The following CNOT3 variants were observed in gnomAD, a reference collection of about 807,000 sequenced individuals.
The protein encoded by CNOT3 is CCR4-associated factor 3.
Under a neutral mutation model 89.4 loss-of-function variants are expected in CNOT3, and 2 were observed. The ratio of observed to expected loss-of-function variants is 0.02; its 90% CI spans 0.01 to 0.07. The LOEUF (loss-of-function observed/expected upper bound fraction) is 0.07, where lower values mean the gene tolerates loss of function less well. Among genes scored for constraint, CNOT3 ranks in the 10% least tolerant of loss-of-function variants. The pLI, the probability that CNOT3 is intolerant of heterozygous loss-of-function variation, is 1.00. For missense variants in CNOT3, 664 were observed against 1,010.2 expected, an observed-to-expected ratio of 0.66 and a Z score of 4.65; for synonymous variants, 486 against 402.0, an observed-to-expected ratio of 1.21 and a Z score of -2.50.
chr19:54,151,129 G>C (rs1368708899), intron 13 of CNOT3, among the ~76,000 whole-genome samples: 1 of 152,146 alleles, frequency 6.6e-6, no homozygotes, highest in East Asian at 1.9e-4. Context: ...TTTATAGTGC[G>C]TGCATTTTTC....
In CNOT3 at chr19:54,148,392, C is replaced by A. The variant is rs755411891; in HGVS notation, c.1139C>A (p.Pro380His). 1 of 1,562,420 alleles carries A rather than the reference C, an allele frequency of 6.4e-7. No homozygotes were observed. The highest frequency in any genetic ancestry group is 8.7e-7 in the Non-Finnish European group (1 of 1,152,318). Residue 380 changes from proline (P) to histidine (H), a missense_variant, in exon 11 of 18, where the codon CCC (proline) becomes CAC (histidine). Around this residue, in one of 8 missense-constraint regions of CNOT3, gnomAD observed 545 missense variants for 566.2 expected, o/e 0.96. Coordinates refer to ENST00000221232, the MANE Select transcript of CNOT3 (RefSeq NM_014516.4). The surrounding 1 kb of genome is among the most constrained non-coding windows in gnomAD (Gnocchi z 6.3). ...GCCCAGGCTGTGGCCCCACCAGCTC[C>A]CAGTGGGCCCAGCACGACCCAGCCC... ...PYAQAVAPPA[P>H]SGPSTTQPRP...
chr19:54,153,570 CA>C, intron 16 of CNOT3, 144 bp from the exon 17 acceptor site: 1 of 782,892 alleles, frequency 1.3e-6, no homozygotes, highest in Non-Finnish European at 2.4e-6. Context: ...TCTGTGCCCC[CA>C]GCCCCATCTC....
At chr19:54,140,874 T>C (rs1464007517) in intron 1 of CNOT3, among the ~76,000 whole-genome samples, 1 of 152,190 alleles carries the variant, frequency 6.6e-6, no homozygotes, top group African/African-American at 2.4e-5. Flanking sequence ...TACCAGTCCT[T>C]TCCGTGTGGA....
intron 13 of CNOT3, 101 bp from the exon 14 acceptor site, chr19:54,152,125 G>A (rs889402703): frequency 3.4e-5 from 43 of 1,272,066 alleles, no homozygotes; most frequent in Middle Eastern, 5.3e-4. Context: ...GGCCCTCCAC[G>A]GCCCCCAAAC....
chr19:54,143,823 A>T, intron 5 of CNOT3, 74 bp downstream of exon 5: 1 of 1,524,432 alleles, frequency 6.6e-7, no homozygotes, highest in Middle Eastern at 2.0e-4. Context: ...GGGCGGAGGC[A>T]GAGCGGCCAG....
At chr19:54,143,231 G>A in intron 3 of CNOT3, 45 bp downstream of exon 3, 1 of 1,551,834 alleles carries the variant, frequency 6.4e-7, no homozygotes, top group Non-Finnish European at 8.9e-7. Context: ...CAGAGAGGAG[G>A]GCACAGGAAG....
At chr19:54,150,652 T>C (rs1399714243) in intron 13 of CNOT3, among the ~76,000 whole-genome samples, 2 of 152,008 alleles carry the variant, frequency 1.3e-5, no homozygotes, top group Non-Finnish European at 2.9e-5. Flanking sequence ...GGTCCAAGTC[T>C]TGGCATTGTC....
rs2074953953 is a variant in CNOT3, at chr19:54,149,755, C to T, written c.1602C>T (p.Ile534=). The T allele has an allele frequency of 1.2e-6, 2 of 1,605,264 alleles. No homozygotes were observed. Among genetic ancestry groups the T allele is most frequent in the Non-Finnish European group, 1.7e-6 (2 of 1,175,058 alleles). ...CACAGTTCAGCACCGCCCCAGAAAT[C>T]AAGGTGGGCTCCTCGGACATCCCCC... is the stretch of plus-strand genomic sequence containing the variant. ...GPPQFSTAPE[I]KAPEPLSSLK... The change falls in exon 13 of 18, where the codon ATC becomes ATT. Residue 534 remains isoleucine (I), a synonymous_variant. Coordinates refer to ENST00000221232, the MANE Select transcript of CNOT3 (RefSeq NM_014516.4).
chr19:54,139,415 C>A (rs1241083675), intron 1 of CNOT3, among the ~76,000 whole-genome samples: 3 of 152,116 alleles, frequency 2.0e-5, no homozygotes, highest in Non-Finnish European at 4.4e-5. Context: ...CTTCTGGCCC[C>A]GCTGCTGGTA....
chr19:54,152,808 C>T, intron 15 of CNOT3, 59 bp from the exon 16 acceptor site: 1 of 901,228 alleles, frequency 1.1e-6, no homozygotes, highest in South Asian at 1.5e-5. Context: ...TCTGAGCACC[C>T]TTTTGATCAC....
chr19:54,147,008 C>G (rs1043494659), intron 10 of CNOT3, among the ~76,000 whole-genome samples: 1 of 152,120 alleles, frequency 6.6e-6, no homozygotes, highest in African/African-American at 2.4e-5. Flanking sequence ...TGAGTCTGGC[C>G]AGGTCTGCAG....
chr19:54,145,810 G>A lies in CNOT3; in HGVS notation c.696G>A (p.Glu232=), dbSNP rs372705849. The A allele has an allele frequency of 1.0e-4, 163 of 1,611,714 alleles. No individual in the cohort carries two copies. Among genetic ancestry groups the A allele is most frequent in the Non-Finnish European group, 1.2e-4 (145 of 1,178,066 alleles). The change falls in exon 8 of 18, where the codon GAG becomes GAA. Residue 232 remains glutamate (E), a synonymous_variant. Transcript: ENST00000221232. The surrounding 1 kb of genome is among the most constrained non-coding windows in gnomAD (Gnocchi z 5.9). ...NEFLYDDLDL[E]DIPQALVATS... is the part of the protein sequence containing the mutation. ...TTCTCTACGATGACCTGGACCTCGA[G>A]GACATTCGTGAGGCCCTGGGGCTGA...
rs587630649 is a variant in CNOT3 at position 54,141,674 on chromosome 19, C to T, written c.-50-1255C>T. On this transcript the variant is annotated intron_variant, in intron 1 of 17. Coordinates refer to ENST00000221232, the MANE Select transcript of CNOT3 (RefSeq NM_014516.4). ...GGTGAGGACTCTTTTGGTGTGACTTCCCTCTGTATTGAGGCTCTTGTTCCT... is the reference window on the plus strand; with the variant it reads ...GGTGAGGACTCTTTTGGTGTGACTTTCCTCTGTATTGAGGCTCTTGTTCCT... 304 of 152,336 alleles carry T rather than the reference C, an allele frequency of 2.0e-3. 1 individual carries two copies. The highest frequency in any genetic ancestry group is 2.2e-3 in the Non-Finnish European group (149 of 68,052). The allele number at this position is 152,336 out of a possible 1,614,324, so 9.4% of individuals were successfully genotyped here.
chr19:54,152,111 C>T (rs1216079757), intron 13 of CNOT3, 115 bp from the exon 14 acceptor site: 9 of 1,004,272 alleles, frequency 9.0e-6, no homozygotes, highest in East Asian at 5.1e-5. Flanking sequence ...GGGAGTGGGT[C>T]GTTGGCCCTC....
At chr19:54,149,003 AC>A (rs1262864815) in intron 12 of CNOT3, among the ~76,000 whole-genome samples, 2 of 151,996 alleles carry the variant, frequency 1.3e-5, no homozygotes, top group Non-Finnish European at 2.9e-5. Context: ...AGAGCCCCAT[AC>A]CCTTTCCTCC....
intron 13 of CNOT3, among the ~76,000 whole-genome samples, chr19:54,150,879 C>T (rs978254648): frequency 2.0e-5 from 3 of 152,134 alleles, no homozygotes; most frequent in Admixed American, 6.5e-5. Flanking sequence ...CAACATCCGC[C>T]TCCTGGGTTC....
intron 1 of CNOT3, among the ~76,000 whole-genome samples, chr19:54,138,555 C>G (rs1377237649): frequency 6.6e-6 from 1 of 152,066 alleles, no homozygotes; most frequent in Admixed American, 6.5e-5. Flanking sequence ...GGGGGAGTCA[C>G]CCTTCCCAGG....
At chr19:54,151,558 G>A (rs985225469) in intron 13 of CNOT3, among the ~76,000 whole-genome samples, 3 of 152,214 alleles carry the variant, frequency 2.0e-5, no homozygotes, top group African/African-American at 4.8e-5. Context: ...CGACTGACTC[G>A]TTGTGGAGAG....
chr19:54,153,006 C>A lies in CNOT3; in HGVS notation c.2037+7C>A. ...CATCTTCTACTATCTGGAGGTACAG[C>A]AGGGCCCCCGGGGCAGCCTCGGGCC... On this transcript the variant is annotated splice_region_variant and intron_variant, in intron 16 of 17. Transcript: ENST00000221232. The A allele has an allele frequency of 6.2e-7, 1 of 1,600,550 alleles. No individual in the cohort carries two copies.
Sources: allele counts gnomAD v4.1 joint callset (sites outside exome capture counted in the v4.1 genomes callset), GRCh38; gene constraint gnomAD v4.1.1; regional missense constraint gnomAD v4.1.1; non-coding constraint Gnocchi (gnomAD v3.1); transcripts MANE v1.5; gene names NCBI Gene and HGNC (gene_info 2026-07-23, HGNC 2026-07-21).